Variants in MSH4 observed in about 807,000 individuals in gnomAD.
The protein encoded by MSH4 is mutS homolog 4.
A neutral mutation model predicts 113.7 loss-of-function variants in MSH4; 106 were observed. That is an observed-to-expected ratio of 0.93 (90% confidence interval 0.80 to 1.10). The LOEUF (loss-of-function observed/expected upper bound fraction) is 1.10. Among genes scored for constraint, MSH4 ranks in the 50% least tolerant of loss-of-function variants. The pLI is 0.00. For missense variants in MSH4, 1,061 were observed against 1,093.7 expected, an observed-to-expected ratio of 0.97 and a Z score of 0.42; for synonymous variants, 368 against 380.2, an observed-to-expected ratio of 0.97 and a Z score of 0.37.
intron 8 of MSH4, among the ~76,000 whole-genome samples, chr1:75,856,802 C>T (rs1040158833): frequency 6.6e-6 from 1 of 152,154 alleles, no homozygotes; most frequent in African/African-American, 2.4e-5. Context: ...GGTATATGCC[C>T]AGTAATGGGA....
intron 8 of MSH4, among the ~76,000 whole-genome samples, chr1:75,854,026 T>TATATATATATATATATATATATATAG: frequency 6.9e-6 from 1 of 145,464 alleles, no homozygotes; most frequent in Non-Finnish European, 1.5e-5. Context: ...TATATATATA[T>TATATATATATATATATATATATATAG]ATGCATAAAT....
At chr1:75,828,186 G>A (rs71656854) in intron 7 of MSH4, among the ~76,000 whole-genome samples, 10,941 of 152,210 alleles carry the variant, frequency 0.072, 519 homozygotes, top group African/African-American at 0.13. Flanking sequence ...CAGAGAGAAG[G>A]AAATGCTCAT....
At chr1:75,805,523 G>T (rs1376585354) in intron 2 of MSH4, among the ~76,000 whole-genome samples, 2 of 150,376 alleles carry the variant, frequency 1.3e-5, no homozygotes, top group Non-Finnish European at 3.0e-5. Flanking sequence ...GAGTAGCTGG[G>T]ATTACAGGCA....
intron 19 of MSH4, among the ~76,000 whole-genome samples, chr1:75,902,346 C>A (rs762036109): frequency 2.0e-5 from 3 of 151,754 alleles, no homozygotes; most frequent in Non-Finnish European, 4.4e-5. Flanking sequence ...AATTTTTAAC[C>A]CTTGCCACCT....
intron 7 of MSH4, among the ~76,000 whole-genome samples, chr1:75,841,077 G>T (rs569581993): frequency 1.3e-5 from 2 of 152,266 alleles, no homozygotes; most frequent in East Asian, 3.9e-4. Context: ...TAGCAGTAAT[G>T]CAGATGTTTT....
chr1:75,820,734 T>C (rs1243749659), intron 6 of MSH4, among the ~76,000 whole-genome samples: 3 of 152,162 alleles, frequency 2.0e-5, no homozygotes, highest in Admixed American at 6.6e-5. Flanking sequence ...GTCTTGCTAG[T>C]GGTCTATCAA....
intron 8 of MSH4, among the ~76,000 whole-genome samples, chr1:75,867,148 A>G (rs555805419): frequency 1.4e-4 from 21 of 152,326 alleles, no homozygotes; most frequent in Admixed American, 9.8e-4. Flanking sequence ...GCCTTTTAAA[A>G]TATCATCTAT....
chr1:75,874,932 A>T (rs746481942), intron 9 of MSH4, among the ~76,000 whole-genome samples: 2 of 152,032 alleles, frequency 1.3e-5, no homozygotes, highest in Non-Finnish European at 2.9e-5. Flanking sequence ...TCACTCTGTC[A>T]CCCAGGCTGG....
intron 7 of MSH4, among the ~76,000 whole-genome samples, chr1:75,847,876 C>G (rs1419877009): frequency 6.6e-6 from 1 of 152,102 alleles, no homozygotes; most frequent in Non-Finnish European, 1.5e-5. Context: ...AAATGTTTTC[C>G]ACTAGACTCC....
At chr1:75,883,954 AC>A in intron 15 of MSH4, 133 bp downstream of exon 15, 1 of 658,028 alleles carries the variant, frequency 1.5e-6, no homozygotes, top group Non-Finnish European at 2.6e-6. Context: ...TAAAAGTATA[AC>A]AGTGTGTCTG....
chr1:75,888,575 G>A, intron 15 of MSH4, among the ~76,000 whole-genome samples: 1 of 150,008 alleles, frequency 6.7e-6, no homozygotes, highest in Admixed American at 6.7e-5. Context: ...ATTAACTTCA[G>A]CTTTATAGGC....
chr1:75,883,901 T>G (rs1291900173), intron 15 of MSH4, 80 bp downstream of exon 15: 1 of 1,194,828 alleles, frequency 8.4e-7, no homozygotes, highest in Non-Finnish European at 1.2e-6. Flanking sequence ...TAGGGCCATG[T>G]GCCTAATTAA....
chr1:75,869,362 A>G (rs1651659577), intron 9 of MSH4, among the ~76,000 whole-genome samples: 2 of 152,204 alleles, frequency 1.3e-5, no homozygotes, highest in Non-Finnish European at 2.9e-5. Context: ...AGTAGAAAAG[A>G]AAATCCCATT....
intron 7 of MSH4, among the ~76,000 whole-genome samples, chr1:75,834,128 C>T (rs1242693289): frequency 6.6e-6 from 1 of 152,184 alleles, no homozygotes; most frequent in East Asian, 1.9e-4. Flanking sequence ...AGGATATGAA[C>T]AGACACTTCG....
chr1:75,797,059 C>A lies in MSH4; in HGVS notation c.74C>A (p.Ser25Ter). 1.2e-6 allele frequency: 2 copies of A among 1,614,034 alleles called. No individual in the cohort carries two copies. The highest frequency in any genetic ancestry group is 8.5e-7 in the Non-Finnish European group (1 of 1,179,946). ...TCCCCGTCGTCGGGAGAAACCCGCT[C>A]ACCTCAGGGTCCCCGCTACAATTTC... ...AVSPSSGETR[S>*]PQGPRYNFGL... The change falls in exon 1 of 20, where the codon TCA becomes TAA. Residue 25 changes from serine (S) to a stop codon, truncating the protein, a stop_gained. Transcript: ENST00000263187. LOFTEE classifies it high-confidence loss of function.
Position 75,899,693 on chromosome 1 carries a change from C to T in MSH4, c.2606C>T (p.Thr869Met), listed in dbSNP as rs150968400. 25 of 1,489,044 alleles carry T rather than the reference C, an allele frequency of 1.7e-5. No homozygotes were observed. Among genetic ancestry groups the T allele is most frequent in the African/African-American group, 7.3e-5 (5 of 68,404 alleles). 92.2% of individuals were successfully genotyped at this position (1,489,044 alleles called of 1,614,324 possible). The change falls in exon 19 of 20, where the codon ACG becomes ATG. Residue 869 changes from threonine to methionine, a missense_variant. Physicochemically the swap from Thr to Met is moderately conservative, Grantham distance 81. Coordinates refer to ENST00000263187, the MANE Select transcript of MSH4 (RefSeq NM_002440.4). Reference protein sequence around the residue: ...LDAKEITTQITRQILQNQRST... With the variant: ...LDAKEITTQIMRQILQNQRST... ...GCCAAGGAAATCACAACTCAAATTA[C>T]GAGACAAATTTTGGTAAGAAACTTT...
At chr1:75,855,237 C>G (rs1012738828) in intron 8 of MSH4, among the ~76,000 whole-genome samples, 2 of 152,036 alleles carry the variant, frequency 1.3e-5, no homozygotes, top group Non-Finnish European at 1.5e-5. Flanking sequence ...GGGGAATTGT[C>G]TTTTTGCCCA....
At chr1:75,896,587 TA>T (rs1652390104) in intron 17 of MSH4, among the ~76,000 whole-genome samples, 1 of 152,028 alleles carries the variant, frequency 6.6e-6, no homozygotes, top group South Asian at 2.1e-4. Context: ...TACAATAGTT[TA>T]AAATAGTGTT....
chr1:75,886,490 T>TTATATATTATATATAA (rs1557524940), intron 15 of MSH4, among the ~76,000 whole-genome samples: 12 of 124,374 alleles, frequency 9.6e-5, no homozygotes, highest in East Asian at 7.1e-4. Flanking sequence ...ATATGATGTA[T>TTATATATTATATATAA]TATATATGAT....
Sources: gnomAD v4.1 joint callset for allele counts (sites outside exome capture counted in the v4.1 genomes callset) on GRCh38, gnomAD v4.1.1 for gene constraint, MANE v1.5 for transcripts, NCBI Gene and HGNC (gene_info 2026-07-23, HGNC 2026-07-21) for gene names.